The following KDM2A variants were observed in gnomAD, a reference collection of about 807,000 sequenced individuals.
KDM2A encodes the protein lysine demethylase 2A.
KDM2A carries 3 observed loss-of-function variants against 137.3 expected under a neutral mutation model. That is an observed-to-expected ratio of 0.02 (90% CI 0.01 to 0.06). KDM2A has a LOEUF of 0.06. KDM2A is among the 10% of genes least tolerant of loss of function. The probability of loss-of-function intolerance (pLI) is 1.00; values close to 1 mark genes in which losing one functional copy is unlikely to be tolerated. For missense variants in KDM2A, 738 were observed against 1,510.6 expected (o/e 0.49, Z 8.48); for synonymous variants, 512 against 541.5 (o/e 0.95, Z 0.76).
At chr11:67,180,623 T>C (rs1857070127) in intron 3 of KDM2A, among the ~76,000 whole-genome samples, 1 of 152,132 alleles carries the variant, frequency 6.6e-6, no homozygotes, top group South Asian at 2.1e-4. Flanking sequence ...GGATGTCATA[T>C]ATGTATTGTA....
rs1186748994 is a variant in KDM2A at position 67,253,523 on chromosome 11, C to A, written c.3003C>A (p.Pro1001=). The part of the protein sequence containing the change: ...AVSALSTSSC[P]LLRTLDLRWA... ...CTGCCCTCAGCACCTCCAGCTGCCC[C>A]CTTCTCAGGACCCTTGATCTTCGGT... Residue 1001 remains proline, a synonymous_variant, in exon 19 of 21, where the codon CCC becomes CCA. Coordinates refer to ENST00000529006, the MANE Select transcript of KDM2A (RefSeq NM_012308.3). 3 of 1,613,828 alleles carry A rather than the reference C, an allele frequency of 1.9e-6. No individual in the cohort carries two copies. In the African/African-American group the frequency reaches 4.0e-5, roughly 22 times the overall value.
intron 7 of KDM2A, 194 bp from the exon 8 acceptor site, chr11:67,215,662 G>A (rs1858138664): frequency 1.6e-6 from 1 of 624,248 alleles, no homozygotes; most frequent in African/African-American, 1.9e-5. Flanking sequence ...TTACATTTTA[G>A]TCAATACGGT....
At position 67,255,727 on chromosome 11, in the gene KDM2A, C is replaced by T; in HGVS notation, c.*672C>T. The T allele has an allele frequency of 2.6e-6, 1 of 382,848 alleles. No individual in the cohort carries two copies. Among genetic ancestry groups the T allele is most frequent in the South Asian group, 1.9e-5 (1 of 52,504 alleles). 23.7% of individuals were successfully genotyped at this position (382,848 alleles called of 1,614,324 possible). A position where few individuals can be genotyped will look rare whatever the true frequency, so the allele number is the denominator to read the frequency against. On this transcript the variant is annotated 3_prime_UTR_variant, in exon 21 of 21. Transcript: ENST00000529006. ...CAGCCTACCCGACTTACTTGCTAGT[C>T]TCTATGAGGTCCTTATTGCACTTAT...
intron 5 of KDM2A, among the ~76,000 whole-genome samples, chr11:67,206,794 C>A (rs1480731328): frequency 6.6e-6 from 1 of 152,214 alleles, no homozygotes; most frequent in Non-Finnish European, 1.5e-5. Context: ...GTTTTCTCTC[C>A]ACTACTATTT....
intron 18 of KDM2A, 107 bp downstream of exon 18, chr11:67,252,964 G>A (rs1859481039): frequency 1.7e-6 from 2 of 1,207,912 alleles, no homozygotes; most frequent in Non-Finnish European, 1.1e-6. Context: ...GCAGTGTAGG[G>A]CAGCAGTCCC....
chr11:67,202,676 T>A (rs1197421017), intron 5 of KDM2A, among the ~76,000 whole-genome samples: 1 of 148,140 alleles, frequency 6.8e-6, no homozygotes, highest in East Asian at 1.9e-4. Flanking sequence ...CTCAGGAGGC[T>A]GAGGCAGGAG....
intron 12 of KDM2A, 104 bp from the exon 13 acceptor site, chr11:67,242,905 C>T: frequency 1.3e-6 from 1 of 785,954 alleles, no homozygotes. Context: ...CCCTGCCTCC[C>T]TTGCTACTCA....
intron 11 of KDM2A, 47 bp from the exon 12 acceptor site, chr11:67,231,519 A>G: frequency 6.7e-7 from 1 of 1,494,702 alleles, no homozygotes; most frequent in Non-Finnish European, 9.0e-7. Flanking sequence ...TGCTGATCAC[A>G]TGGCAGAGTG....
chr11:67,255,292 C>T lies in KDM2A; in HGVS notation c.*237C>T, dbSNP rs1308213417. 1.8e-6 allele frequency: 1 copy of T among 557,892 alleles called. No homozygotes were observed. Among genetic ancestry groups the T allele is most frequent in the Non-Finnish European group, 3.2e-6 (1 of 308,412 alleles). The allele number at this position is 557,892 out of a possible 1,614,324, so 34.6% of individuals were successfully genotyped here. A position where few individuals can be genotyped will look rare whatever the true frequency, so the allele number is the denominator to read the frequency against. ...GTAGCAGATTGATCTGAGGGGAAAG[C>T]ACAGGCTGTGCTGTCGAGGCGCCTG... On this transcript the variant is annotated 3_prime_UTR_variant, in exon 21 of 21. Transcript: ENST00000529006.
At position 67,119,767 on chromosome 11, in the gene KDM2A, C is replaced by G. The variant is rs994344335; in HGVS notation, c.-366C>G. 2.0e-5 allele frequency: 3 copies of G among 150,776 alleles called. No homozygotes were observed. Among genetic ancestry groups the G allele is most frequent in the Admixed American group, 6.6e-5 (1 of 15,186 alleles). The allele number at this position is 150,776 out of a possible 1,614,324, so 9.3% of individuals were successfully genotyped here. On this transcript the variant is annotated 5_prime_UTR_variant, in exon 1 of 21. Coordinates refer to ENST00000529006, the MANE Select transcript of KDM2A (RefSeq NM_012308.3). The stretch of plus-strand genomic sequence containing the variant: ...CCGGGGCCGGCCCGGGGCTCGGGCC[C>G]GGGCTGCTGACCGCTGGCCTGGGGG...
At chr11:67,203,580 C>T (rs1458943924) in intron 5 of KDM2A, among the ~76,000 whole-genome samples, 1 of 149,464 alleles carries the variant, frequency 6.7e-6, no homozygotes, top group African/African-American at 2.4e-5. Context: ...ATAGTGAAAC[C>T]TTGTCTTTAC....
At chr11:67,142,002 C>A (rs912892791) in intron 2 of KDM2A, among the ~76,000 whole-genome samples, 2 of 151,978 alleles carry the variant, frequency 1.3e-5, no homozygotes, top group Non-Finnish European at 2.9e-5. Flanking sequence ...GACAGAATTT[C>A]ATTCTTTTTT....
chr11:67,148,218 T>C (rs1483616137), intron 2 of KDM2A, among the ~76,000 whole-genome samples: 1 of 151,948 alleles, frequency 6.6e-6, no homozygotes, highest in Non-Finnish European at 1.5e-5. Context: ...ACTCTGGGGT[T>C]TGAGACCAGC....
Position 67,249,670 on chromosome 11 carries a change from G to C in KDM2A, c.2056-416G>C, listed in dbSNP as rs1388109914. 2.0e-5 allele frequency among the ~76,000 whole-genome samples: 3 copies of C among 152,160 alleles called. No individual in the cohort carries two copies. In the East Asian group the frequency reaches 5.8e-4, roughly 29 times the overall value. ...TTATTATTCACGTGGGGGTTGGAGT[G>C]GAAGACGCAGCCTGGTGGAGTCAAA... On this transcript the variant is annotated intron_variant, in intron 16 of 20. Coordinates refer to ENST00000529006, the MANE Select transcript of KDM2A (RefSeq NM_012308.3).
At chr11:67,158,410 G>T (rs1479121474) in intron 2 of KDM2A, among the ~76,000 whole-genome samples, 2 of 152,164 alleles carry the variant, frequency 1.3e-5, no homozygotes, top group South Asian at 4.1e-4. Flanking sequence ...TTTTTGTGTG[G>T]ACATGAGTTT....
chr11:67,168,686 TGTCC>T (rs1856809107), intron 2 of KDM2A, among the ~76,000 whole-genome samples: 1 of 148,750 alleles, frequency 6.7e-6, no homozygotes, highest in South Asian at 2.1e-4. Flanking sequence ...TAGACAGCAA[TGTCC>T]GTCTATCCAC....
chr11:67,143,943 T>A (rs1856183351), intron 2 of KDM2A, among the ~76,000 whole-genome samples: 1 of 147,262 alleles, frequency 6.8e-6, no homozygotes, highest in Admixed American at 6.6e-5. Context: ...TAAAAAAAAC[T>A]ATTTTTTTTT....
chr11:67,129,343 C>A (rs1855798593), intron 2 of KDM2A, among the ~76,000 whole-genome samples: 1 of 152,178 alleles, frequency 6.6e-6, no homozygotes. Context: ...AATCCCAGCA[C>A]TTTGGGAGAC....
Position 67,215,324 on chromosome 11 carries a change from C to T in KDM2A, c.487-16C>T, listed in dbSNP as rs1177520200. The T allele has an allele frequency of 1.3e-6, 2 of 1,575,722 alleles. No homozygotes were observed. Among genetic ancestry groups the T allele is most frequent in the Non-Finnish European group, 1.7e-6 (2 of 1,147,018 alleles). On this transcript the variant is annotated splice_polypyrimidine_tract_variant and intron_variant, in intron 6 of 20. Coordinates refer to ENST00000529006, the MANE Select transcript of KDM2A (RefSeq NM_012308.3). ...CTTTCCCTTGGAGCCCAAGTGTTTCCTCCTTCTATTTAAAGGTGGATTTCA... is the reference window on the plus strand; with the variant it reads ...CTTTCCCTTGGAGCCCAAGTGTTTCTTCCTTCTATTTAAAGGTGGATTTCA...
Sources: allele counts gnomAD v4.1 joint callset (sites outside exome capture counted in the v4.1 genomes callset), GRCh38; gene constraint gnomAD v4.1.1; transcripts MANE v1.5; gene names NCBI Gene and HGNC (gene_info 2026-07-23, HGNC 2026-07-21).